The following SGCG variants were observed in gnomAD, a reference collection of about 807,000 sequenced individuals.
SGCG encodes the protein sarcoglycan gamma, also known as gamma-sarcoglycan.
A neutral mutation model predicts 29.3 loss-of-function variants in SGCG; 26 were observed. The observed-to-expected ratio is 0.89, with a 90% CI of 0.65 to 1.23. The LOEUF (loss-of-function observed/expected upper bound fraction) is 1.23. Among genes scored for constraint, SGCG ranks in the 50% most tolerant of loss-of-function variants. SGCG has a pLI of 0.00. For missense variants in SGCG, 353 were observed against 356.0 expected (o/e 0.99, Z 0.07); for synonymous variants, 145 against 129.7 (o/e 1.12, Z -0.80).
chr13:23,264,298 G>A (rs73168683), intron 4 of SGCG, among the ~76,000 whole-genome samples: 9,663 of 151,424 alleles, frequency 0.064, 399 homozygotes, highest in Middle Eastern at 0.092. Context: ...CAACCAAGCC[G>A]AGAATCCAAT....
intron 2 of SGCG, among the ~76,000 whole-genome samples, chr13:23,206,459 G>T (rs1399831804): frequency 1.3e-5 from 2 of 152,036 alleles, no homozygotes; most frequent in Admixed American, 1.3e-4. Context: ...TGTCCTCAAG[G>T]TTTATCCATG....
intron 2 of SGCG, among the ~76,000 whole-genome samples, chr13:23,227,396 T>C (rs1878943145): frequency 6.6e-6 from 1 of 151,798 alleles, no homozygotes; most frequent in African/African-American, 2.4e-5. Flanking sequence ...ATATTGCTTA[T>C]GGGAATGCAA....
At chr13:23,207,887 T>C (rs1339803830) in intron 2 of SGCG, among the ~76,000 whole-genome samples, 1 of 152,186 alleles carries the variant, frequency 6.6e-6, no homozygotes, top group African/African-American at 2.4e-5. Context: ...GAAAACAGTA[T>C]GGAAATTCCT....
At chr13:23,206,484 A>C (rs559770399) in intron 2 of SGCG, among the ~76,000 whole-genome samples, 1 of 152,328 alleles carries the variant, frequency 6.6e-6, no homozygotes, top group East Asian at 1.9e-4. Context: ...CTCACATTGC[A>C]GAATTTTTTT....
At chr13:23,279,540 G>A (rs1030923892) in intron 5 of SGCG, 62 bp downstream of exon 5, 6 of 1,527,666 alleles carry the variant, frequency 3.9e-6, no homozygotes, top group African/African-American at 1.4e-5. Context: ...AAAACACATT[G>A]TACTATTGAC....
At chr13:23,284,591 T>C (rs1087383) in intron 5 of SGCG, among the ~76,000 whole-genome samples, 151,419 of 152,266 alleles carry the variant, frequency 0.99, 75,292 homozygotes, top group South Asian at 1. Context: ...ACTCACCTTC[T>C]GAAGCCTACT....
At chr13:23,259,411 C>T (rs4594102) in intron 4 of SGCG, among the ~76,000 whole-genome samples, 4 of 151,528 alleles carry the variant, frequency 2.6e-5, no homozygotes, top group East Asian at 1.9e-4. Context: ...TTTTTTATTG[C>T]GTCTATTTGA....
chr13:23,199,610 G>A (rs1213395973), intron 1 of SGCG, among the ~76,000 whole-genome samples: 1 of 152,170 alleles, frequency 6.6e-6, no homozygotes, highest in African/African-American at 2.4e-5. Context: ...GTTTCACCTA[G>A]TGATTTAACT....
At chr13:23,216,614 G>C (rs1878439322) in intron 2 of SGCG, among the ~76,000 whole-genome samples, 1 of 152,094 alleles carries the variant, frequency 6.6e-6, no homozygotes, top group Admixed American at 6.6e-5. Flanking sequence ...AAATGCACTT[G>C]AGTAAACTGT....
rs182461867 is a variant in SGCG, at chr13:23,211,487, C to A, written c.195+7598C>A. 3.3e-5 allele frequency among the ~76,000 whole-genome samples: 5 copies of A among 151,852 alleles called. No homozygotes were observed. The South Asian group carries it at 8.3e-4, about 25-fold the overall frequency. On this transcript the variant is annotated intron_variant, in intron 2 of 7. Coordinates refer to ENST00000218867, the MANE Select transcript of SGCG (RefSeq NM_000231.3). ...AAGTGGAGAGGAGAGCTTGACCCCC[C>A]CTTTCACCATAGAGACCAAGTGATT... is the stretch of plus-strand genomic sequence containing the variant.
At chr13:23,234,739 T>C (rs772396533) in intron 3 of SGCG, 27 bp downstream of exon 3, 1 of 1,434,488 alleles carries the variant, frequency 7.0e-7, no homozygotes, top group Non-Finnish European at 9.8e-7. Context: ...ACAAATAATT[T>C]GTGCTTTATG....
rs539330656 is a variant in SGCG, at chr13:23,321,273, G to A, written c.702+513G>A. Among the ~76,000 whole-genome samples, 29 of 152,228 alleles carry A rather than the reference G, an allele frequency of 1.9e-4. 1 individual carries two copies. Among genetic ancestry groups the A allele is most frequent in the Middle Eastern group, 3.4e-3 (1 of 294 alleles). On this transcript the variant is annotated intron_variant, in intron 7 of 7. Transcript: ENST00000218867. ...CTGGGACTTCAAGTCTAGAAATACA[G>A]TTGTCCCCCTTTATTGACAGGGGAT...
rs567449568 is a variant in SGCG, at chr13:23,310,005, G to A, written c.579-10632G>A. 1.1e-4 allele frequency among the ~76,000 whole-genome samples: 16 copies of A among 151,404 alleles called. No individual in the cohort carries two copies. In the South Asian group the frequency reaches 1.5e-3, roughly 14 times the overall value. Reference sequence around the variant, plus strand: ...TTTAATGCAAGGTTTGTATGTAAGCGGCTACTAGGTCAATCTTGCAAATTA... The same window carrying A: ...TTTAATGCAAGGTTTGTATGTAAGCAGCTACTAGGTCAATCTTGCAAATTA... On this transcript the variant is annotated intron_variant, in intron 6 of 7. Transcript: ENST00000218867.
the SGCG span, among the ~76,000 whole-genome samples, chr13:23,167,026 T>C: frequency 4.6e-5 from 7 of 152,188 alleles, no homozygotes; most frequent in African/African-American, 1.7e-4. Context: ...TTTAACCCAT[T>C]ATCCAAACCC....
upstream of SGCG, among the ~76,000 whole-genome samples, chr13:23,180,044 A>G (rs1876678787): frequency 6.6e-6 from 1 of 151,976 alleles, no homozygotes; most frequent in Non-Finnish European, 1.5e-5. Context: ...TCCTTCCTCA[A>G]GCAGGCCCCA....
chr13:23,303,272 A>G (rs492967), intron 6 of SGCG, among the ~76,000 whole-genome samples: 109,902 of 152,170 alleles, frequency 0.72, 41,598 homozygotes, highest in East Asian at 0.89. Context: ...CTGGCAGTTC[A>G]GGGCAACAGT....
intron 1 of SGCG, among the ~76,000 whole-genome samples, chr13:23,192,145 A>C (rs2137481782): frequency 6.8e-6 from 1 of 147,916 alleles, no homozygotes; most frequent in East Asian, 2.1e-4. Context: ...ATTGCACTCC[A>C]GCCTGGGCGA....
intron 5 of SGCG, among the ~76,000 whole-genome samples, chr13:23,292,096 A>C (rs916396507): frequency 6.7e-6 from 1 of 148,556 alleles, no homozygotes; most frequent in Non-Finnish European, 1.5e-5. Flanking sequence ...GCCTTCTTTC[A>C]AAACAATACA....
intron 2 of SGCG, among the ~76,000 whole-genome samples, chr13:23,214,808 T>A (rs1878363588): frequency 6.6e-6 from 1 of 152,214 alleles, no homozygotes; most frequent in South Asian, 2.1e-4. Context: ...CCCTGGCATT[T>A]TCTCAAATTA....
Sources: gnomAD v4.1 joint callset for allele counts (sites outside exome capture counted in the v4.1 genomes callset) on GRCh38, gnomAD v4.1.1 for gene constraint, MANE v1.5 for transcripts, NCBI Gene and HGNC (gene_info 2026-07-23, HGNC 2026-07-21) for gene names.